Variants in ADNP observed in about 807,000 individuals in gnomAD.
The protein encoded by ADNP is activity-dependent neuroprotector homeobox protein.
A neutral mutation model predicts 84.9 loss-of-function variants in ADNP; 4 were observed. The ratio of observed to expected loss-of-function variants is 0.05; its 90% confidence interval spans 0.02 to 0.11. The LOEUF (loss-of-function observed/expected upper bound fraction) is 0.11, where lower values mean the gene tolerates loss of function less well. ADNP is among the 10% of genes least tolerant of loss of function. The probability of loss-of-function intolerance (pLI) is 1.00; values close to 1 mark genes in which losing one functional copy is unlikely to be tolerated. For missense variants in ADNP, 1,132 were observed against 1,326.0 expected, an observed-to-expected ratio of 0.85 and a Z score of 2.27; for synonymous variants, 554 against 468.1, an observed-to-expected ratio of 1.18 and a Z score of -2.37.
chr20:50,915,253 CTG>C (rs1478737149), intron 2 of ADNP, among the ~76,000 whole-genome samples: 2 of 152,144 alleles, frequency 1.3e-5, no homozygotes, highest in Non-Finnish European at 2.9e-5. Flanking sequence ...GAGTCAAAAA[CTG>C]TGGTCACGGT....
chr20:50,922,353 C>G (rs1380403616), intron 2 of ADNP, among the ~76,000 whole-genome samples: 2 of 152,186 alleles, frequency 1.3e-5, no homozygotes, highest in African/African-American at 4.8e-5. Context: ...TCCAGAACTT[C>G]TGACTGACAC....
intron 5 of ADNP, among the ~76,000 whole-genome samples, chr20:50,900,340 G>A (rs1349822577): frequency 2.0e-5 from 3 of 152,116 alleles, no homozygotes; most frequent in Non-Finnish European, 4.4e-5. Flanking sequence ...GTAATAGGAG[G>A]CTATACCACC....
chr20:50,931,055 G>A lies in ADNP; in HGVS notation c.-494C>T. ...CGGGCGGCGGCGGCGTCGTCGAGCG[G>A]TGCAGACAAAGGAGGGGCGGAGGGA... On this transcript the variant is annotated 5_prime_UTR_variant, in exon 1 of 6. Coordinates refer to ENST00000621696, the MANE Select transcript of ADNP (RefSeq NM_001282531.3). The A allele has an allele frequency of 6.7e-6, 1 of 149,784 alleles. No homozygotes were observed. The highest frequency in any genetic ancestry group is 1.8e-4 in the South Asian group (1 of 5,648). The allele number at this position is 149,784 out of a possible 1,614,324, so 9.3% of individuals were successfully genotyped here. A position where few individuals can be genotyped will look rare whatever the true frequency, so the allele number is the denominator to read the frequency against.
rs779220115 is a variant in ADNP at position 50,894,016 on chromosome 20, T to C, written c.698A>G (p.Tyr233Cys). ...GATGACATGCTGTACCAAAGCTTCA[T>C]AGGACTTTGGCATGAAAAGGCATCG... is the stretch of plus-strand genomic sequence containing the variant. ...CKRCLFMPKS[Y>C]EALVQHVIED... Residue 233 changes from tyrosine (Y) to cysteine (C), a missense_variant, in exon 6 of 6, where the codon TAT becomes TGT. By Grantham distance (194) the Tyr-to-Cys change is radical. Transcript: ENST00000621696. The C allele has an allele frequency of 3.1e-6, 5 of 1,614,088 alleles. No homozygotes were observed. The highest frequency in any genetic ancestry group is 1.7e-5 in the Admixed American group (1 of 60,010).
chr20:50,905,415 C>A (rs1982373662), intron 2 of ADNP: 1 of 152,174 alleles, frequency 6.6e-6, no homozygotes. Flanking sequence ...ATACCAATAT[C>A]ATCTGTAAAT....
chr20:50,893,905 A>G lies in ADNP; in HGVS notation c.809T>C (p.Leu270Pro). 6.2e-7 allele frequency: 1 copy of G among 1,614,214 alleles called. No individual in the cohort carries two copies. Among genetic ancestry groups the G allele is most frequent in the Non-Finnish European group, 8.5e-7 (1 of 1,180,026 alleles). ...VVVPRSKPLM[L>P]IAPKPQDKKS... The stretch of plus-strand genomic sequence containing the variant: ...CTTGTCTTGAGGTTTGGGAGCAATT[A>G]GCATCAAGGGTTTGGATCGGGGAAC... The change falls in exon 6 of 6, where the codon CTA (leucine) becomes CCA (proline). Residue 270 changes from leucine (L) to proline (P), a missense_variant. This residue lies in a region of ADNP where 239 missense variants were observed against 213.2 expected (regional missense o/e 1.12). Coordinates refer to ENST00000621696, the MANE Select transcript of ADNP (RefSeq NM_001282531.3). This position sits in a 1 kb window ranked among gnomAD's most constrained non-coding sequence, Gnocchi z 4.4.
chr20:50,903,832 A>C (rs892170250), intron 4 of ADNP, 57 bp downstream of exon 4: 2 of 1,358,088 alleles, frequency 1.5e-6, no homozygotes, highest in African/African-American at 1.4e-5. Flanking sequence ...CCACTGACAC[A>C]AAGTAATGGA....
chr20:50,928,047 A>C (rs1184864329), intron 2 of ADNP, among the ~76,000 whole-genome samples: 1 of 152,244 alleles, frequency 6.6e-6, no homozygotes, highest in African/African-American at 2.4e-5. Flanking sequence ...ATGACTAAGA[A>C]ATTGTAGAAG....
At chr20:50,894,545 C>T (rs1227594031) in intron 5 of ADNP, 33 bp from the exon 6 acceptor site, 1 of 1,546,310 alleles carries the variant, frequency 6.5e-7, no homozygotes, top group Non-Finnish European at 8.7e-7. Flanking sequence ...AATTAGAATG[C>T]CACTTCAGAT....
chr20:50,925,404 A>C (rs749509216), intron 2 of ADNP, among the ~76,000 whole-genome samples: 2 of 152,098 alleles, frequency 1.3e-5, no homozygotes, highest in Admixed American at 1.3e-4. Flanking sequence ...CTGACCCCAA[A>C]ACTGGCAGAT....
chr20:50,906,362 G>C (rs576107645), intron 2 of ADNP, among the ~76,000 whole-genome samples: 1 of 152,352 alleles, frequency 6.6e-6, no homozygotes, highest in African/African-American at 2.4e-5. Context: ...AGATACCTAA[G>C]ACTGGGAAGA....
chr20:50,894,808 G>A (rs553040588), intron 5 of ADNP, among the ~76,000 whole-genome samples: 1 of 152,280 alleles, frequency 6.6e-6, no homozygotes, highest in African/African-American at 2.4e-5. Context: ...TGAGGCAGGA[G>A]AATCGCCTGA....
chr20:50,911,700 C>T (rs1354999333), intron 2 of ADNP, among the ~76,000 whole-genome samples: 1 of 151,842 alleles, frequency 6.6e-6, no homozygotes, highest in African/African-American at 2.4e-5. Flanking sequence ...ACCATATAGT[C>T]TGTATTTTTA....
chr20:50,920,298 A>G (rs1270972078), intron 2 of ADNP, among the ~76,000 whole-genome samples: 1 of 150,042 alleles, frequency 6.7e-6, no homozygotes, highest in East Asian at 1.9e-4. Context: ...AGAAAGAAAG[A>G]AAAAGAAAGC....
chr20:50,924,439 T>C (rs1435528153), intron 2 of ADNP, among the ~76,000 whole-genome samples: 1 of 152,150 alleles, frequency 6.6e-6, no homozygotes, highest in Non-Finnish European at 1.5e-5. Context: ...TGAGCCCCCA[T>C]TAGCCAAACA....
chr20:50,893,465 C>T lies in ADNP; in HGVS notation c.1249G>A (p.Ala417Thr), dbSNP rs946288333. Residue 417 changes from alanine to threonine, a missense_variant, in exon 6 of 6, where the codon GCA (alanine) becomes ACA (threonine). Physicochemically the swap from Ala to Thr is moderately conservative, Grantham distance 58. Around this residue, in one of 10 missense-constraint regions of ADNP, gnomAD observed 239 missense variants for 213.2 expected, o/e 1.12. Coordinates refer to ENST00000621696, the MANE Select transcript of ADNP (RefSeq NM_001282531.3). The surrounding 1 kb of genome is among the most constrained non-coding windows in gnomAD (Gnocchi z 4.4). The stretch of plus-strand genomic sequence containing the variant: ...CTGGACTGACCTAACACTCTGGATG[C>T]CTGTGACTGAGAGAGGGAAGGAGAC... ...LKSPSLSQSQ[A>T]SRVLGQSSSK... 2 of 1,613,888 alleles carry T rather than the reference C, an allele frequency of 1.2e-6. No individual in the cohort carries two copies. The highest frequency in any genetic ancestry group is 1.7e-6 in the Non-Finnish European group (2 of 1,180,032).
rs758446295 is a variant in ADNP, at chr20:50,892,115, T to G, written c.2599A>C (p.Asn867His). 2.5e-6 allele frequency: 4 copies of G among 1,614,158 alleles called. No individual in the cohort carries two copies. Among genetic ancestry groups the G allele is most frequent in the Non-Finnish European group, 2.5e-6 (3 of 1,180,032 alleles). ...GAACTGTCATCTTCCTTCCCAAGGT[T>G]GAGCTTTTTGTCAGCAGTCTTACTA... ...NASKTADKKLNLGKEDDSSSD... is the reference protein window; with the variant it reads ...NASKTADKKLHLGKEDDSSSD... Residue 867 changes from asparagine to histidine, a missense_variant, in exon 6 of 6, where the codon AAC becomes CAC. Coordinates refer to ENST00000621696, the MANE Select transcript of ADNP (RefSeq NM_001282531.3).
At chr20:50,925,951 A>G (rs1250759112) in intron 2 of ADNP, among the ~76,000 whole-genome samples, 1 of 152,224 alleles carries the variant, frequency 6.6e-6, no homozygotes, top group African/African-American at 2.4e-5. Flanking sequence ...AAATACAAAA[A>G]TTAACCAAGC....
At chr20:50,894,612 A>C (rs547415611) in intron 5 of ADNP, 100 bp from the exon 6 acceptor site, 1 of 1,332,284 alleles carries the variant, frequency 7.5e-7, no homozygotes, top group Non-Finnish European at 1.0e-6. Context: ...CATTGATTTT[A>C]GGCCGCGCGT....
Sources: gnomAD v4.1 joint callset for allele counts (sites outside exome capture counted in the v4.1 genomes callset) on GRCh38, gnomAD v4.1.1 for gene constraint, gnomAD v4.1.1 regional missense constraint, Gnocchi (gnomAD v3.1) non-coding constraint, MANE v1.5 for transcripts, NCBI Gene and HGNC (gene_info 2026-07-23, HGNC 2026-07-21) for gene names.